TENM3: variants seen among roughly 807,000 people sequenced by gnomAD.
TENM3 encodes teneurin transmembrane protein 3.
A neutral mutation model predicts 255.1 loss-of-function variants in TENM3; 63 were observed. That is an observed-to-expected ratio of 0.25 (90% CI 0.20 to 0.30). The LOEUF is 0.30. Ranked by LOEUF, TENM3 falls within the 10% of genes least tolerant of loss-of-function variation. The pLI is 1.00. For synonymous variants in TENM3, 1,306 were observed against 1,322.3 expected (o/e 0.99, Z 0.27); for missense variants, 2,929 against 3,461.1 (o/e 0.85, Z 3.86).
At chr4:182,541,664 G>A (rs945164595) in intron 3 of TENM3, among the ~76,000 whole-genome samples, 1 of 152,150 alleles carries the variant, frequency 6.6e-6, no homozygotes, top group African/African-American at 2.4e-5. Context: ...CACTTAATAT[G>A]ATGGAGAAGA....
the TENM3 span, among the ~76,000 whole-genome samples, chr4:181,534,593 G>A: frequency 2.0e-5 from 3 of 152,116 alleles, no homozygotes; most frequent in South Asian, 6.2e-4. Flanking sequence ...GAGCCTAGGT[G>A]TTGATTTCTC....
the TENM3 span, among the ~76,000 whole-genome samples, chr4:181,984,798 G>A: frequency 3.6e-5 from 2 of 55,588 alleles, no homozygotes; most frequent in African/African-American, 1.1e-4. Context: ...TCGTGTGTGT[G>A]TGTGTGTGTG....
At chr4:181,459,115 C>A in the TENM3 span, among the ~76,000 whole-genome samples, 2 of 151,818 alleles carry the variant, frequency 1.3e-5, no homozygotes, top group Non-Finnish European at 2.9e-5. Context: ...ATAGTGGTAT[C>A]TGATTATGGT....
the TENM3 span, among the ~76,000 whole-genome samples, chr4:181,997,902 C>A: frequency 1.3e-5 from 2 of 152,274 alleles, no homozygotes; most frequent in Non-Finnish European, 2.9e-5. Context: ...CTTATTCAAA[C>A]AATTAGATTT....
the TENM3 span, among the ~76,000 whole-genome samples, chr4:181,799,648 T>C: frequency 2.0e-5 from 3 of 152,118 alleles, no homozygotes; most frequent in Non-Finnish European, 1.5e-5. Context: ...TATTCAAAAC[T>C]GCAAAGGAAC....
At chr4:182,464,844 TAATA>T (rs1445112613) in intron 3 of TENM3, among the ~76,000 whole-genome samples, 1 of 152,186 alleles carries the variant, frequency 6.6e-6, no homozygotes, top group East Asian at 1.9e-4. Flanking sequence ...GTTTTGTACA[TAATA>T]AATAAGACTA....
rs867022249 is a variant in TENM3 at position 182,771,387 on chromosome 4, G to A, written c.4893-2085G>A. On this transcript the variant is annotated intron_variant, in intron 22 of 27. Coordinates refer to ENST00000511685, the MANE Select transcript of TENM3 (RefSeq NM_001080477.4). ...CACTGTGATCTACAGGAGGGCTAGT[G>A]GGCCTGGGGTCAGCTGCACAAAAGT... 4.1e-4 allele frequency among the ~76,000 whole-genome samples: 63 copies of A among 152,180 alleles called. No homozygotes were observed. In the Middle Eastern group the frequency reaches 0.01, roughly 25 times the overall value.
upstream of TENM3, among the ~76,000 whole-genome samples, chr4:182,243,185 G>T (rs1486734893): frequency 2.6e-5 from 4 of 152,150 alleles, no homozygotes; most frequent in African/African-American, 9.7e-5. Flanking sequence ...GGTGATCTTG[G>T]CGCATTGAGA....
At chr4:181,741,217 T>C in the TENM3 span, among the ~76,000 whole-genome samples, 22 of 152,336 alleles carry the variant, frequency 1.4e-4, no homozygotes, top group South Asian at 4.3e-3. Context: ...TTTAGGTGCA[T>C]TGAGAATGAA....
At chr4:181,722,274 T>G in the TENM3 span, among the ~76,000 whole-genome samples, 57 of 152,280 alleles carry the variant, frequency 3.7e-4, no homozygotes, top group East Asian at 0.011. Flanking sequence ...CTAGACCAGT[T>G]CATGGCACAT....
At chr4:182,586,563 G>T (rs1177762297) in intron 3 of TENM3, among the ~76,000 whole-genome samples, 3 of 152,142 alleles carry the variant, frequency 2.0e-5, no homozygotes, top group Admixed American at 6.6e-5. Flanking sequence ...CACGTCTATG[G>T]TAGCTTCATC....
chr4:181,900,695 A>G, the TENM3 span, among the ~76,000 whole-genome samples: 1 of 152,340 alleles, frequency 6.6e-6, no homozygotes. Flanking sequence ...TGCTCTGTGT[A>G]AAGCACTCAG....
At chr4:182,519,232 T>A (rs1738310734) in intron 3 of TENM3, among the ~76,000 whole-genome samples, 1 of 152,260 alleles carries the variant, frequency 6.6e-6, no homozygotes, top group Admixed American at 6.5e-5. Context: ...ATTAATATTT[T>A]GGATCTCTCA....
intron 1 of TENM3, among the ~76,000 whole-genome samples, chr4:182,197,185 C>G (rs998887767): frequency 2.0e-5 from 3 of 152,170 alleles, no homozygotes; most frequent in Admixed American, 2.0e-4. Context: ...GCTTTTTAAC[C>G]AGTTACACTG....
At chr4:182,760,940 C>T (rs148753583) in intron 22 of TENM3, among the ~76,000 whole-genome samples, 22 of 152,228 alleles carry the variant, frequency 1.4e-4, no homozygotes, top group African/African-American at 4.8e-4. Flanking sequence ...ATACCAAAAG[C>T]ACAAATAATG....
the TENM3 span, among the ~76,000 whole-genome samples, chr4:181,448,578 TA>T: frequency 6.6e-6 from 1 of 152,202 alleles, no homozygotes; most frequent in Non-Finnish European, 1.5e-5. Context: ...AAAAAATCTA[TA>T]ACAAGTGTGT....
At chr4:182,020,889 T>G in the TENM3 span, among the ~76,000 whole-genome samples, 1 of 152,106 alleles carries the variant, frequency 6.6e-6, no homozygotes, top group Non-Finnish European at 1.5e-5. Flanking sequence ...GTCCTGCCAG[T>G]TTTCTTTCTT....
chr4:181,894,741 A>G, the TENM3 span, among the ~76,000 whole-genome samples: 1 of 151,970 alleles, frequency 6.6e-6, no homozygotes, highest in African/African-American at 2.4e-5. Context: ...CAGAAAAAAA[A>G]AAAAACGGGG....
intron 16 of TENM3, among the ~76,000 whole-genome samples, chr4:182,732,047 C>CT (rs1412686647): frequency 6.6e-6 from 1 of 152,066 alleles, no homozygotes; most frequent in Non-Finnish European, 1.5e-5. Context: ...TCCCAAAGTG[C>CT]TGGGATTACA....
Sources: gnomAD v4.1 joint callset for allele counts (sites outside exome capture counted in the v4.1 genomes callset) on GRCh38, gnomAD v4.1.1 for gene constraint, MANE v1.5 for transcripts, NCBI Gene and HGNC (gene_info 2026-07-23, HGNC 2026-07-21) for gene names.